Variants in ETFA observed in about 807,000 individuals in gnomAD.
The protein encoded by ETFA is electron transfer flavoprotein subunit alpha, mitochondrial.
ETFA carries 22 observed loss-of-function variants against 46.2 expected under a neutral mutation model. That is an observed-to-expected ratio of 0.48 (90% CI 0.34 to 0.68). ETFA has a LOEUF of 0.68. ETFA is among the 30% of genes least tolerant of loss of function. ETFA has a pLI of 0.01. For synonymous variants in ETFA, 131 were observed against 139.9 expected (o/e 0.94, Z 0.45); for missense variants, 345 against 401.1 (o/e 0.86, Z 1.19).
intron 1 of ETFA, among the ~76,000 whole-genome samples, chr15:76,304,951 A>G (rs1012958437): frequency 2.6e-5 from 4 of 151,994 alleles, no homozygotes; most frequent in Middle Eastern, 3.4e-3. Flanking sequence ...GCTGAGGCAG[A>G]TGAATGGCGT....
intron 9 of ETFA, among the ~76,000 whole-genome samples, chr15:76,254,052 G>C (rs1321265440): frequency 2.0e-5 from 3 of 152,146 alleles, no homozygotes; most frequent in Non-Finnish European, 2.9e-5. Flanking sequence ...AAGGGAGGGA[G>C]GCACATTGAA....
Position 76,287,884 on chromosome 15 carries a change from A to C in ETFA, c.413T>G (p.Ile138Ser). Residue 138 changes from isoleucine to serine, a missense_variant, in exon 5 of 12, where the codon ATC becomes AGC. Transcript: ENST00000557943. Reference protein sequence around the residue: ...EVAPISDIIAIKSPDTFVRTI... With the variant: ...EVAPISDIIASKSPDTFVRTI... The stretch of plus-strand genomic sequence containing the variant: ...TCTCACAAATGTGTCAGGTGACTTG[A>C]TTGCAATGATGTCAGAAATCGGGGC... 1 of 1,613,996 alleles carries C rather than the reference A, an allele frequency of 6.2e-7. No individual in the cohort carries two copies. Among genetic ancestry groups the C allele is most frequent in the Non-Finnish European group, 8.5e-7 (1 of 1,179,892 alleles).
intron 9 of ETFA, among the ~76,000 whole-genome samples, chr15:76,251,199 C>T (rs959150307): frequency 3.3e-5 from 5 of 151,914 alleles, no homozygotes; most frequent in African/African-American, 7.3e-5. Flanking sequence ...GACTCTGACT[C>T]GGAGGATGGG....
chr15:76,305,175 A>T (rs1045711141), intron 1 of ETFA, among the ~76,000 whole-genome samples: 11 of 151,458 alleles, frequency 7.3e-5, no homozygotes, highest in Non-Finnish European at 1.2e-4. Flanking sequence ...CCAGTCCTCT[A>T]ACAAGATTAA....
At chr15:76,242,012 T>A (rs1436591677) in intron 9 of ETFA, among the ~76,000 whole-genome samples, 6 of 151,742 alleles carry the variant, frequency 4.0e-5, no homozygotes. Flanking sequence ...AATTTTTGTA[T>A]TTTTAGTAGA....
At chr15:76,250,045 C>T (rs1008335133) in intron 9 of ETFA, among the ~76,000 whole-genome samples, 6 of 152,068 alleles carry the variant, frequency 3.9e-5, no homozygotes, top group African/African-American at 7.2e-5. Flanking sequence ...TAATAATCTT[C>T]ATGGTAACAT....
At chr15:76,259,418 G>A in intron 9 of ETFA, 1 of 1,207,062 alleles carries the variant, frequency 8.3e-7, no homozygotes, top group South Asian at 1.2e-5. Context: ...GGCTTGGATG[G>A]AGTGGGAGTG....
At chr15:76,261,363 C>T in intron 9 of ETFA, 2 of 1,293,606 alleles carry the variant, frequency 1.5e-6, no homozygotes, top group Non-Finnish European at 2.2e-6. Context: ...TGCACCAGTA[C>T]TGGCCCGTGT....
At chr15:76,222,112 CTAAT>C (rs1469362632) in intron 11 of ETFA, among the ~76,000 whole-genome samples, 5 of 151,406 alleles carry the variant, frequency 3.3e-5, no homozygotes, top group Non-Finnish European at 2.9e-5. Context: ...ATAGGTAATG[CTAAT>C]TAATTCTCAC....
chr15:76,247,443 G>A (rs1435666711), intron 9 of ETFA, among the ~76,000 whole-genome samples: 6 of 152,112 alleles, frequency 3.9e-5, no homozygotes, highest in African/African-American at 7.2e-5. Flanking sequence ...CTCAGGAGTG[G>A]AGAAAACTGT....
At chr15:76,231,485 G>C in intron 9 of ETFA, 87 bp from the exon 10 acceptor site, 1 of 802,982 alleles carries the variant, frequency 1.2e-6, no homozygotes, top group Non-Finnish European at 2.0e-6. Flanking sequence ...TTAAGTCTTA[G>C]GCAAAAGATA....
At chr15:76,303,892 T>C (rs1452379836) in intron 1 of ETFA, among the ~76,000 whole-genome samples, 1 of 152,228 alleles carries the variant, frequency 6.6e-6, no homozygotes, top group Non-Finnish European at 1.5e-5. Context: ...TGTGGCGATT[T>C]CTCAAAGAAC....
At chr15:76,217,585 C>A (rs2038909629) in intron 11 of ETFA, 2 of 455,258 alleles carry the variant, frequency 4.4e-6, no homozygotes, top group Admixed American at 4.7e-5. Flanking sequence ...TAATTACTAA[C>A]CCTTAGTCGT....
intron 9 of ETFA, among the ~76,000 whole-genome samples, chr15:76,241,869 G>C (rs1376092059): frequency 0.013 from 2 of 158 alleles, no homozygotes; most frequent in African/African-American, 0.067. Context: ...ATGGAGTCTC[G>C]CTCTGTCGCC....
At chr15:76,306,049 T>C (rs2039936670) in intron 1 of ETFA, among the ~76,000 whole-genome samples, 1 of 151,784 alleles carries the variant, frequency 6.6e-6, no homozygotes, top group South Asian at 2.1e-4. Flanking sequence ...GCTTGTCAGT[T>C]TTTTAGAGTT....
intron 8 of ETFA, 148 bp downstream of exon 8, chr15:76,283,609 A>G: frequency 1.5e-6 from 1 of 651,946 alleles, no homozygotes; most frequent in Non-Finnish European, 2.7e-6. Flanking sequence ...TGGAGGCTTA[A>G]GAAAAACTGG....
rs2038895299 is a variant in ETFA, at chr15:76,216,324, T to C, written c.*235A>G. ...TTAAAGCTGTGGAAAAGCTTTATTA[T>C]AGATTTTAGTACAGAATTTAAAAAG... On this transcript the variant is annotated 3_prime_UTR_variant, in exon 12 of 12. Transcript: ENST00000557943. 1.1e-5 allele frequency: 5 copies of C among 472,924 alleles called. No homozygotes were observed. Among genetic ancestry groups the C allele is most frequent in the Admixed American group, 3.9e-5 (1 of 25,444 alleles). 29.3% of individuals were successfully genotyped at this position (472,924 alleles called of 1,614,324 possible).
intron 8 of ETFA, among the ~76,000 whole-genome samples, chr15:76,282,727 T>TA (rs1366115381): frequency 1.3e-5 from 2 of 152,220 alleles, no homozygotes; most frequent in Non-Finnish European, 2.9e-5. Flanking sequence ...AGTTATATGT[T>TA]AAAGTCTTAA....
At chr15:76,261,435 G>C (rs1596205525) in intron 9 of ETFA, 1 of 1,116,446 alleles carries the variant, frequency 9.0e-7, no homozygotes, top group East Asian at 2.4e-5. Flanking sequence ...TGACTGGGAT[G>C]AACCAGTTCT....
Sources: gnomAD v4.1 joint callset for allele counts (sites outside exome capture counted in the v4.1 genomes callset) on GRCh38, gnomAD v4.1.1 for gene constraint, MANE v1.5 for transcripts, NCBI Gene and HGNC (gene_info 2026-07-23, HGNC 2026-07-21) for gene names.